Variants in PAX5 observed in about 807,000 individuals in gnomAD.
The protein encoded by PAX5 is paired box protein Pax-5.
In PAX5, 9 loss-of-function variants were observed where a neutral mutation model predicts 43.7. The ratio of observed to expected loss-of-function variants is 0.21; its 90% CI spans 0.12 to 0.36. The LOEUF is 0.36. Among genes scored for constraint, PAX5 ranks in the 10% least tolerant of loss-of-function variants. The probability of loss-of-function intolerance (pLI) is 1.00; values close to 1 mark genes in which losing one functional copy is unlikely to be tolerated. For synonymous variants in PAX5, 228 were observed against 214.3 expected (o/e 1.06, Z -0.56); for missense variants, 383 against 532.7 (o/e 0.72, Z 2.77).
chr9:36,886,026 C>T (rs889389388), intron 7 of PAX5, among the ~76,000 whole-genome samples: 2 of 152,028 alleles, frequency 1.3e-5, no homozygotes, highest in South Asian at 2.1e-4. Context: ...TTGATGTGTG[C>T]TTGTGTGGCT....
At chr9:37,024,747 C>T (rs1840159502) in intron 1 of PAX5, among the ~76,000 whole-genome samples, 1 of 152,292 alleles carries the variant, frequency 6.6e-6, no homozygotes. Context: ...GGTTGGCTAA[C>T]CTGCACCTGA....
At chr9:36,964,887 T>A (rs1834286361) in intron 6 of PAX5, among the ~76,000 whole-genome samples, 6 of 152,092 alleles carry the variant, frequency 3.9e-5, no homozygotes, top group Admixed American at 3.9e-4. Flanking sequence ...AGAGAAAGAC[T>A]AAAATCCTCA....
chr9:36,858,141 G>T (rs1823852709), intron 8 of PAX5, among the ~76,000 whole-genome samples: 1 of 152,200 alleles, frequency 6.6e-6, no homozygotes, highest in Admixed American at 6.5e-5. Flanking sequence ...AAATATTGAT[G>T]CATTTCAAAG....
intron 6 of PAX5, among the ~76,000 whole-genome samples, chr9:36,932,382 T>C (rs1462435963): frequency 6.6e-6 from 1 of 152,278 alleles, no homozygotes; most frequent in East Asian, 1.9e-4. Context: ...GTGGTATATC[T>C]ACACAATGGA....
At chr9:36,905,350 GGAA>G (rs1484230700) in intron 7 of PAX5, among the ~76,000 whole-genome samples, 1 of 152,238 alleles carries the variant, frequency 6.6e-6, no homozygotes, top group East Asian at 1.9e-4. Context: ...GTCCCGTAAG[GGAA>G]GAATGAGCCA....
Position 36,835,816 on chromosome 9 carries a change from C to T in PAX5, c.*4744G>A, listed in dbSNP as rs911099394. On this transcript the variant is annotated 3_prime_UTR_variant, in exon 10 of 10. Coordinates refer to ENST00000358127, the MANE Select transcript of PAX5 (RefSeq NM_016734.3). ...CCTCGTAGTGGGGCCACCGTGGAGC[C>T]GGTCTAGCTCAGAGCCCTGTGGGAT... 8.1e-5 allele frequency: 19 copies of T among 233,170 alleles called. No homozygotes were observed. The highest frequency in any genetic ancestry group is 1.4e-4 in the Non-Finnish European group (17 of 118,120). The allele number at this position is 233,170 out of a possible 1,614,324, so 14.4% of individuals were successfully genotyped here. A position where few individuals can be genotyped will look rare whatever the true frequency, so the allele number is the denominator to read the frequency against.
Position 36,881,985 on chromosome 9 carries a change from G to A in PAX5, c.1012+19C>T, listed in dbSNP as rs1483100941. 3 of 1,586,150 alleles carry A rather than the reference G, an allele frequency of 1.9e-6. No homozygotes were observed. The highest frequency in any genetic ancestry group is 2.3e-5 in the East Asian group (1 of 44,014). On this transcript the variant is annotated intron_variant, in intron 8 of 9. Coordinates refer to ENST00000358127, the MANE Select transcript of PAX5 (RefSeq NM_016734.3). Reference sequence around the variant, plus strand: ...CCCGTCCGCTGCCTGCTGTGGAGACGCCGACAGTGCAAACTCACCAGGCAC... The same window carrying A: ...CCCGTCCGCTGCCTGCTGTGGAGACACCGACAGTGCAAACTCACCAGGCAC...
At chr9:36,872,626 C>T (rs1349559816) in intron 8 of PAX5, among the ~76,000 whole-genome samples, 2 of 152,158 alleles carry the variant, frequency 1.3e-5, no homozygotes, top group African/African-American at 4.8e-5. Flanking sequence ...TAATTCTTTT[C>T]TTCCCAAATG....
chr9:36,915,828 T>G (rs1457995137), intron 7 of PAX5, among the ~76,000 whole-genome samples: 3 of 152,140 alleles, frequency 2.0e-5, no homozygotes, highest in Non-Finnish European at 4.4e-5. Context: ...TCCCAGCACT[T>G]TGGGAGGCCA....
intron 7 of PAX5, among the ~76,000 whole-genome samples, chr9:36,902,455 T>C (rs1025890160): frequency 6.6e-6 from 1 of 152,126 alleles, no homozygotes; most frequent in African/African-American, 2.4e-5. Context: ...ACAGGAATAA[T>C]TACAAAGGTC....
At chr9:36,895,831 C>A (rs1827815720) in intron 7 of PAX5, among the ~76,000 whole-genome samples, 1 of 152,166 alleles carries the variant, frequency 6.6e-6, no homozygotes, top group African/African-American at 2.4e-5. Context: ...CCTCCTGGGG[C>A]TCAAATCTAA....
At chr9:37,002,026 A>G (rs1459798446) in intron 5 of PAX5, among the ~76,000 whole-genome samples, 1 of 151,234 alleles carries the variant, frequency 6.6e-6, no homozygotes, top group Non-Finnish European at 1.5e-5. Context: ...GCTGAGAAAA[A>G]CCAACCGGGA....
intron 7 of PAX5, among the ~76,000 whole-genome samples, chr9:36,907,090 G>A (rs950307044): frequency 6.6e-6 from 1 of 152,118 alleles, no homozygotes; most frequent in African/African-American, 2.4e-5. Context: ...TTGGTACCAA[G>A]GGAAGCAGGA....
intron 6 of PAX5, among the ~76,000 whole-genome samples, chr9:36,939,972 CT>C (rs1173640171): frequency 6.6e-6 from 1 of 152,262 alleles, no homozygotes; most frequent in East Asian, 1.9e-4. Context: ...GCCTAGTCCC[CT>C]GGCTAAATCA....
intron 7 of PAX5, among the ~76,000 whole-genome samples, chr9:36,889,153 G>C (rs1587878240): frequency 6.7e-6 from 1 of 148,612 alleles, no homozygotes; most frequent in South Asian, 2.2e-4. Context: ...CTTGGTGACT[G>C]GTCAACCCAC....
At chr9:36,899,676 G>C (rs1234618020) in intron 7 of PAX5, among the ~76,000 whole-genome samples, 1 of 152,040 alleles carries the variant, frequency 6.6e-6, no homozygotes, top group Non-Finnish European at 1.5e-5. Context: ...TACAGGGTTG[G>C]GGCCGGGCCA....
intron 5 of PAX5, among the ~76,000 whole-genome samples, chr9:36,992,451 G>C (rs559583250): frequency 6.6e-6 from 1 of 152,224 alleles, no homozygotes. Context: ...AGGCTCTCGG[G>C]TGGCACGAGC....
chr9:36,996,663 A>C (rs1163796799), intron 5 of PAX5, among the ~76,000 whole-genome samples: 1 of 152,190 alleles, frequency 6.6e-6, no homozygotes, highest in Non-Finnish European at 1.5e-5. Context: ...CCTAGGAGAG[A>C]AAAGACCAGG....
In PAX5 at chr9:36,957,212, C is replaced by T. The variant is rs115950118; in HGVS notation, c.780+9337G>A. ...TTCCCATAGGAAGGCCCAGTTAAGTCCGTCTCTCAGTTCCATCTTCCCCTC... is the reference window on the plus strand; with the variant it reads ...TTCCCATAGGAAGGCCCAGTTAAGTTCGTCTCTCAGTTCCATCTTCCCCTC... On this transcript the variant is annotated intron_variant, in intron 6 of 9. Coordinates refer to ENST00000358127, the MANE Select transcript of PAX5 (RefSeq NM_016734.3). Among the ~76,000 whole-genome samples, 1,062 of 152,350 alleles carry T rather than the reference C, an allele frequency of 7.0e-3. 10 individuals carry two copies. Among genetic ancestry groups the T allele is most frequent in the African/African-American group, 0.025 (1,041 of 41,574 alleles).
Sources: allele counts gnomAD v4.1 joint callset (sites outside exome capture counted in the v4.1 genomes callset), GRCh38; gene constraint gnomAD v4.1.1; transcripts MANE v1.5; gene names NCBI Gene and HGNC (gene_info 2026-07-23, HGNC 2026-07-21).